Variants in MAJIN observed in about 807,000 individuals in gnomAD.
MAJIN encodes membrane-anchored junction protein.
MAJIN carries 27 observed loss-of-function variants against 30.2 expected under a neutral mutation model. The ratio of observed to expected loss-of-function variants is 0.89; its 90% CI spans 0.66 to 1.23. The LOEUF is 1.23. MAJIN is among the 50% of genes most tolerant of loss of function. The pLI is 0.00. For missense variants in MAJIN, 253 were observed against 260.3 expected (o/e 0.97, Z 0.19); for synonymous variants, 78 against 91.6 (o/e 0.85, Z 0.85).
chr11:64,961,452 C>A (rs1052732636), intron 1 of MAJIN, among the ~76,000 whole-genome samples: 1 of 149,022 alleles, frequency 6.7e-6, no homozygotes, highest in Non-Finnish European at 1.5e-5. Context: ...CAGGCATGAC[C>A]CACTGTGCCC....
At chr11:64,948,906 G>A (rs188025664) in intron 6 of MAJIN, among the ~76,000 whole-genome samples, 1 of 146,908 alleles carries the variant, frequency 6.8e-6, no homozygotes, top group Admixed American at 6.9e-5. Context: ...CTCTTGCCTC[G>A]GCCTCCCAAA....
intron 4 of MAJIN, among the ~76,000 whole-genome samples, chr11:64,953,856 C>T (rs1437015052): frequency 6.6e-6 from 1 of 152,118 alleles, no homozygotes; most frequent in African/African-American, 2.4e-5. Flanking sequence ...GTTAAAATAA[C>T]TTATTCATAA....
chr11:64,954,344 A>G, intron 4 of MAJIN: 1 of 297,014 alleles, frequency 3.4e-6, no homozygotes, highest in Non-Finnish European at 6.5e-6. Flanking sequence ...GCCAATTTAA[A>G]TGAAGACACA....
intron 1 of MAJIN, 114 bp downstream of exon 1, chr11:64,971,763 G>A (rs545746787): frequency 6.6e-6 from 1 of 152,634 alleles, no homozygotes; most frequent in Admixed American, 6.5e-5. Flanking sequence ...TCAGGGGGCA[G>A]GGGGGACTGC....
At chr11:64,959,188 C>A in intron 3 of MAJIN, 117 bp downstream of exon 3, 1 of 677,494 alleles carries the variant, frequency 1.5e-6, no homozygotes, top group South Asian at 2.0e-5. Flanking sequence ...GACAGTCCTG[C>A]AAGATGCTAC....
chr11:64,949,757 T>A lies in MAJIN; in HGVS notation c.335A>T (p.Glu112Val). The change falls in exon 6 of 11, where the codon GAA becomes GTA. Residue 112 changes from glutamate (E) to valine (V), a missense_variant. Physicochemically the swap from Glu to Val is moderately radical, Grantham distance 121. Coordinates refer to ENST00000301896, the MANE Select transcript of MAJIN (RefSeq NM_001037225.3). The stretch of plus-strand genomic sequence containing the variant: ...ATTCCACTTACCAGGTGACAGGTTT[T>A]CATGGAACCATTTCATCTCCACATA... ...TLYVEMKWFH[E>V]NLSPGKPISD... 2 of 1,613,116 alleles carry A rather than the reference T, an allele frequency of 1.2e-6. No homozygotes were observed. Among genetic ancestry groups the A allele is most frequent in the Non-Finnish European group, 1.7e-6 (2 of 1,179,992 alleles).
intron 6 of MAJIN, among the ~76,000 whole-genome samples, chr11:64,948,602 C>CATATATATTCAT (rs1554970964): frequency 1.5e-4 from 3 of 19,418 alleles, no homozygotes; most frequent in African/African-American, 6.8e-4. Flanking sequence ...CGGGCTACAT[C>CATATATATTCAT]ATATATATAT....
At chr11:64,938,657 A>G (rs1340260398) in intron 10 of MAJIN, 84 bp from the exon 11 acceptor site, 10 of 1,444,460 alleles carry the variant, frequency 6.9e-6, no homozygotes, top group Non-Finnish European at 9.4e-6. Flanking sequence ...TTCACTAGCT[A>G]GGGCATTTTT....
chr11:64,959,976 T>C (rs1945698110), intron 2 of MAJIN, 113 bp downstream of exon 2: 1 of 152,410 alleles, frequency 6.6e-6, no homozygotes. Context: ...CTCATGTTTT[T>C]GAGTGGCACC....
chr11:64,954,449 G>A, intron 4 of MAJIN: 1 of 460,286 alleles, frequency 2.2e-6, no homozygotes, highest in South Asian at 2.1e-5. Flanking sequence ...CTGGAAGGAG[G>A]CAGTCCTCCG....
intron 3 of MAJIN, among the ~76,000 whole-genome samples, chr11:64,957,601 A>G (rs1945656433): frequency 6.6e-6 from 1 of 151,712 alleles, no homozygotes; most frequent in African/African-American, 2.4e-5. Flanking sequence ...ACAGGGTTTC[A>G]CCATGTTGAC....
chr11:64,955,740 T>C (rs1422861125), intron 3 of MAJIN, among the ~76,000 whole-genome samples: 2 of 152,242 alleles, frequency 1.3e-5, no homozygotes, highest in East Asian at 3.8e-4. Context: ...GTCAACACTT[T>C]TAAGACTGTG....
At chr11:64,952,682 G>A (rs1175434990) in intron 4 of MAJIN, among the ~76,000 whole-genome samples, 1 of 152,010 alleles carries the variant, frequency 6.6e-6, no homozygotes, top group Non-Finnish European at 1.5e-5. Flanking sequence ...TAACCCCTAG[G>A]CTAGCCTGCT....
chr11:64,957,877 T>A (rs958340063), intron 3 of MAJIN, among the ~76,000 whole-genome samples: 9 of 152,144 alleles, frequency 5.9e-5, no homozygotes, highest in African/African-American at 2.2e-4. Flanking sequence ...AATATAACTT[T>A]AATAATACCG....
intron 8 of MAJIN, among the ~76,000 whole-genome samples, chr11:64,944,802 G>A (rs558026028): frequency 1.3e-5 from 2 of 152,064 alleles, no homozygotes; most frequent in South Asian, 4.1e-4. Flanking sequence ...GAGACATAGA[G>A]AAAAAAAGGA....
intron 10 of MAJIN, among the ~76,000 whole-genome samples, chr11:64,939,011 C>T (rs973743276): frequency 1.3e-5 from 2 of 152,332 alleles, no homozygotes. Context: ...CTCACTGCAA[C>T]CTCTGCCTCC....
At chr11:64,963,112 G>C (rs187434583) in intron 1 of MAJIN, among the ~76,000 whole-genome samples, 1 of 152,276 alleles carries the variant, frequency 6.6e-6, no homozygotes, top group Admixed American at 6.5e-5. Flanking sequence ...GGGGGACAGA[G>C]TGAGAGTCCA....
At chr11:64,971,407 G>C (rs1418874663) in intron 1 of MAJIN, among the ~76,000 whole-genome samples, 7 of 137,672 alleles carry the variant, frequency 5.1e-5, no homozygotes, top group Admixed American at 7.7e-5. Context: ...CAGCCTGGGC[G>C]ACAGAGCGAG....
At chr11:64,964,784 G>A (rs1357850700) in intron 1 of MAJIN, among the ~76,000 whole-genome samples, 2 of 151,776 alleles carry the variant, frequency 1.3e-5, no homozygotes, top group Non-Finnish European at 2.9e-5. Context: ...ATGGGGTTTC[G>A]CTATGTTGCC....
Sources: gnomAD v4.1 joint callset for allele counts (sites outside exome capture counted in the v4.1 genomes callset) on GRCh38, gnomAD v4.1.1 for gene constraint, MANE v1.5 for transcripts, NCBI Gene and HGNC (gene_info 2026-07-23, HGNC 2026-07-21) for gene names.